Variants in HFM1 observed in about 807,000 individuals in gnomAD.
The protein encoded by HFM1 is helicase for meiosis 1, also known as probable ATP-dependent DNA helicase HFM1.
HFM1 carries 169 observed loss-of-function variants against 192.1 expected under a neutral mutation model. That is an observed-to-expected ratio of 0.88 (90% CI 0.78 to 1.00). The LOEUF (loss-of-function observed/expected upper bound fraction) is 1.00, where lower values mean the gene tolerates loss of function less well. HFM1 is among the 50% of genes least tolerant of loss of function. The pLI is 0.00. For missense variants in HFM1, 1,661 were observed against 1,668.0 expected (o/e 1.00, Z 0.07); for synonymous variants, 525 against 537.8 (o/e 0.98, Z 0.33).
intron 23 of HFM1, among the ~76,000 whole-genome samples, chr1:91,322,531 A>G (rs1056634106): frequency 6.6e-6 from 1 of 152,212 alleles, no homozygotes; most frequent in African/African-American, 2.4e-5. Context: ...TTGGCAGAAC[A>G]GTCATCCACT....
intron 30 of HFM1, among the ~76,000 whole-genome samples, chr1:91,289,223 G>A (rs1399411244): frequency 2.0e-5 from 3 of 151,822 alleles, no homozygotes; most frequent in Middle Eastern, 3.2e-3. Context: ...GTTCCAAGAC[G>A]GGGTCGCGGC....
At chr1:91,380,304 A>T in intron 7 of HFM1, 68 bp from the exon 8 acceptor site, 1 of 1,005,566 alleles carries the variant, frequency 9.9e-7, no homozygotes, top group Non-Finnish European at 1.4e-6. Flanking sequence ...AATTTGTTAA[A>T]AAAAAAGTCT....
intron 30 of HFM1, among the ~76,000 whole-genome samples, chr1:91,294,193 G>C (rs972189333): frequency 1.3e-5 from 2 of 149,672 alleles, no homozygotes; most frequent in Non-Finnish European, 3.0e-5. Context: ...AAAACTTAAA[G>C]TATAATAATA....
chr1:91,276,607 A>G lies in HFM1; in HGVS notation c.3588+21T>C, dbSNP rs200226338. The G allele has an allele frequency of 7.1e-4, 848 of 1,196,600 alleles. 6 individuals are homozygous for G. In the African/African-American group the frequency reaches 0.012, roughly 17 times the overall value. 74.1% of individuals were successfully genotyped at this position (1,196,600 alleles called of 1,614,324 possible). ...ATACGTTTAACTACAGAACAATGGG[A>G]AAAATGTTATTAAAACTAACCTTCA... On this transcript the variant is annotated intron_variant, in intron 32 of 38. Transcript: ENST00000370425.
chr1:91,348,518 G>T (rs751703803), intron 18 of HFM1, among the ~76,000 whole-genome samples: 1 of 152,056 alleles, frequency 6.6e-6, no homozygotes, highest in South Asian at 2.1e-4. Flanking sequence ...TTTTTTTGCT[G>T]CATTGTTCGT....
rs753422559 is a variant in HFM1 at position 91,375,651 on chromosome 1, A to G, written c.1472T>C (p.Leu491Pro). The G allele has an allele frequency of 1.9e-6, 3 of 1,613,290 alleles. No individual in the cohort carries two copies. In the South Asian group the frequency reaches 3.3e-5, roughly 18 times the overall value. The part of the protein sequence containing the change: ...KMDESHRPVK[L>P]QKVVLGFPCS... The stretch of plus-strand genomic sequence containing the variant: ...GGGAAATCCAAGGACCACTTTCTGA[A>G]GTTTCACTGGTCTATGGCTCTCATC... The change falls in exon 12 of 39, where the codon CTT becomes CCT. Residue 491 changes from leucine (L) to proline (P), a missense_variant. Coordinates refer to ENST00000370425, the MANE Select transcript of HFM1 (RefSeq NM_001017975.6).
intron 13 of HFM1, among the ~76,000 whole-genome samples, chr1:91,354,667 C>A (rs1273906585): frequency 6.6e-6 from 1 of 151,968 alleles, no homozygotes; most frequent in Non-Finnish European, 1.5e-5. Context: ...ACCTTGCAGG[C>A]CAGGAGAGCA....
rs571768101 is a variant in HFM1, at chr1:91,344,348, G to C, written c.2255-838C>G. Among the ~76,000 whole-genome samples the C allele has an allele frequency of 3.9e-5, 6 of 152,280 alleles. No homozygotes were observed. The South Asian group carries it at 1.2e-3, about 32-fold the overall frequency. On this transcript the variant is annotated intron_variant, in intron 19 of 38. Coordinates refer to ENST00000370425, the MANE Select transcript of HFM1 (RefSeq NM_001017975.6). Reference sequence around the variant, plus strand: ...TTCTTTGGGAAATATTTTAGTTTAAGCAACACTCTTTAGACAGCTTGATAG... The same window carrying C: ...TTCTTTGGGAAATATTTTAGTTTAACCAACACTCTTTAGACAGCTTGATAG...
chr1:91,369,506 T>C lies in HFM1; in HGVS notation c.1685+5852A>G, dbSNP rs188988058. The stretch of plus-strand genomic sequence containing the variant: ...ACCTGAATGACTACTGGGTACATAA[T>C]GAAATGAAGGCAGAAATAAAGATGT... On this transcript the variant is annotated intron_variant, in intron 13 of 38. Transcript: ENST00000370425. Among the ~76,000 whole-genome samples, 353 of 152,182 alleles carry C rather than the reference T, an allele frequency of 2.3e-3. 1 individual carries two copies. Among genetic ancestry groups the C allele is most frequent in the African/African-American group, 8.0e-3 (331 of 41,522 alleles).
Position 91,344,072 on chromosome 1 carries a change from T to C in HFM1, c.2255-562A>G, listed in dbSNP as rs72970317. On this transcript the variant is annotated intron_variant, in intron 19 of 38. Coordinates refer to ENST00000370425, the MANE Select transcript of HFM1 (RefSeq NM_001017975.6). The stretch of plus-strand genomic sequence containing the variant: ...CCCTCCTCCCTGTTTGCCACTTTCT[T>C]GAAGCAAAAACTTAAAACTGTTTTA... Among the ~76,000 whole-genome samples, 383 of 152,346 alleles carry C rather than the reference T, an allele frequency of 2.5e-3. 3 individuals are homozygous for C. Among genetic ancestry groups the C allele is most frequent in the African/African-American group, 8.5e-3 (355 of 41,586 alleles).
At chr1:91,330,191 T>G (rs571740236) in intron 20 of HFM1, among the ~76,000 whole-genome samples, 1 of 152,150 alleles carries the variant, frequency 6.6e-6, no homozygotes, top group South Asian at 2.1e-4. Context: ...GATAAGACAC[T>G]GGTTTTCATG....
At chr1:91,403,751 G>A (rs1372779149) in intron 1 of HFM1, among the ~76,000 whole-genome samples, 2 of 151,776 alleles carry the variant, frequency 1.3e-5, no homozygotes, top group African/African-American at 4.8e-5. Context: ...CATAATTTGC[G>A]GTGCCGACCT....
intron 13 of HFM1, among the ~76,000 whole-genome samples, chr1:91,363,926 A>C (rs1277059429): frequency 6.6e-6 from 1 of 152,194 alleles, no homozygotes; most frequent in African/African-American, 2.4e-5. Context: ...TCAGCAAACT[A>C]ACACAGGAAC....
chr1:91,400,480 C>CT lies in HFM1; in HGVS notation c.71+531dup, dbSNP rs112090967. Among the ~76,000 whole-genome samples the CT allele has an allele frequency of 2.8e-3, 388 of 139,104 alleles. 3 individuals carry two copies. Among genetic ancestry groups the CT allele is most frequent in the South Asian group, 4.3e-3 (19 of 4,402 alleles). 91.3% of individuals were successfully genotyped at this position (139,104 alleles called of 152,430 possible). A position where few individuals can be genotyped will look rare whatever the true frequency, so the allele number is the denominator to read the frequency against. ...AAATGCAAGCCAAATAGGCAAGAAT[C>CT]TTTTTTTTTTTTTTTTCTTTTGATA... On this transcript the variant is annotated intron_variant, in intron 2 of 38. Coordinates refer to ENST00000370425, the MANE Select transcript of HFM1 (RefSeq NM_001017975.6).
At chr1:91,373,987 A>ATAG (rs1343649872) in intron 13 of HFM1, among the ~76,000 whole-genome samples, 1 of 152,190 alleles carries the variant, frequency 6.6e-6, no homozygotes, top group Non-Finnish European at 1.5e-5. Flanking sequence ...TATTATAATT[A>ATAG]TAGTAAGTGC....
At chr1:91,302,468 A>G (rs915771401) in intron 30 of HFM1, among the ~76,000 whole-genome samples, 1 of 152,150 alleles carries the variant, frequency 6.6e-6, no homozygotes, top group African/African-American at 2.4e-5. Context: ...ATGCTGCTAT[A>G]AAGACACATG....
At chr1:91,281,336 A>G (rs1667446021) in intron 30 of HFM1, among the ~76,000 whole-genome samples, 1 of 152,158 alleles carries the variant, frequency 6.6e-6, no homozygotes, top group Admixed American at 6.5e-5. Context: ...AGCAATATCC[A>G]TCTTGTTTCT....
At chr1:91,293,905 T>C (rs577183547) in intron 30 of HFM1, among the ~76,000 whole-genome samples, 21 of 151,526 alleles carry the variant, frequency 1.4e-4, no homozygotes, top group African/African-American at 4.1e-4. Flanking sequence ...TGTAGGGACA[T>C]GGATGAAACT....
At chr1:91,345,113 CA>C (rs1261241644) in intron 19 of HFM1, among the ~76,000 whole-genome samples, 1 of 152,046 alleles carries the variant, frequency 6.6e-6, no homozygotes, top group Non-Finnish European at 1.5e-5. Context: ...CCCTAATTGT[CA>C]AAATAAACAC....
Sources: allele counts gnomAD v4.1 joint callset (sites outside exome capture counted in the v4.1 genomes callset), GRCh38; gene constraint gnomAD v4.1.1; transcripts MANE v1.5; gene names NCBI Gene and HGNC (gene_info 2026-07-23, HGNC 2026-07-21).